Variants in CFI observed in about 807,000 individuals in gnomAD.
CFI encodes C3B/C4B inactivator.
A neutral mutation model predicts 78.8 loss-of-function variants in CFI; 66 were observed. The observed-to-expected ratio is 0.84, with a 90% CI of 0.69 to 1.03. CFI has a LOEUF of 1.03. CFI is among the 50% of genes least tolerant of loss of function. CFI has a pLI of 0.00. For synonymous variants in CFI, 250 were observed against 232.6 expected (o/e 1.07, Z -0.68); for missense variants, 706 against 704.5 (o/e 1.00, Z -0.02).
chr4:109,777,465 C>A (rs1161947230), intron 1 of CFI, among the ~76,000 whole-genome samples: 1 of 152,100 alleles, frequency 6.6e-6, no homozygotes, highest in African/African-American at 2.4e-5. Flanking sequence ...AATACAGGAA[C>A]ACCCAGATTC....
At chr4:109,784,821 C>T (rs1016663508) in intron 1 of CFI, among the ~76,000 whole-genome samples, 5 of 152,012 alleles carry the variant, frequency 3.3e-5, no homozygotes, top group African/African-American at 1.2e-4. Flanking sequence ...TTTTGTCAGG[C>T]CTCTGAGCCC....
chr4:109,770,553 C>A (rs1728442723), intron 1 of CFI, among the ~76,000 whole-genome samples: 1 of 44,004 alleles, frequency 2.3e-5, no homozygotes. Context: ...GAGACTCCAT[C>A]TCTAAAAAAA....
chr4:109,796,144 A>G (rs1288143608), intron 1 of CFI, among the ~76,000 whole-genome samples: 1 of 152,208 alleles, frequency 6.6e-6, no homozygotes, highest in African/African-American at 2.4e-5. Context: ...ACCCTATAAA[A>G]CTATCAGTGG....
chr4:109,760,278 C>T lies in CFI; in HGVS notation c.875G>A (p.Gly292Asp). ...VDCITGEDEV[G>D]CAGFASVTQE... ...CCAAGTCTTTCAATTACCTGCACAGCCAACTTCATCTTCCCCTGTAATGCA... is the reference window on the plus strand; with the variant it reads ...CCAAGTCTTTCAATTACCTGCACAGTCAACTTCATCTTCCCCTGTAATGCA... The change falls in exon 6 of 13, where the codon GGC becomes GAC. Residue 292 changes from glycine (G) to aspartate (D), a missense_variant. Physicochemically the swap from Gly to Asp is moderately conservative, Grantham distance 94. Transcript: ENST00000394634. 1 of 1,612,790 alleles carries T rather than the reference C, an allele frequency of 6.2e-7. No individual in the cohort carries two copies. The highest frequency in any genetic ancestry group is 8.5e-7 in the Non-Finnish European group (1 of 1,178,750).
Position 109,752,486 on chromosome 4 carries a change from T to C in CFI, c.922A>G (p.Thr308Ala). 3 of 1,613,392 alleles carry C rather than the reference T, an allele frequency of 1.9e-6. No individual in the cohort carries two copies. The highest frequency in any genetic ancestry group is 2.5e-6 in the Non-Finnish European group (3 of 1,179,584). ...SVTQEETEIL[T>A]ADMDAERRRI... is the part of the protein sequence containing the mutation. ...AGCTTACCTGCATCCATGTCAGCAG[T>C]CAAAATTTCTGTTTCTTCTATGATA... Residue 308 changes from threonine to alanine, a missense_variant, in exon 8 of 13, where the codon ACT (threonine) becomes GCT (alanine). Thr to Ala is a moderately conservative substitution (Grantham distance 58). Coordinates refer to ENST00000394634, the MANE Select transcript of CFI (RefSeq NM_000204.5).
chr4:109,785,685 A>G (rs1271853029), intron 1 of CFI, among the ~76,000 whole-genome samples: 1 of 152,040 alleles, frequency 6.6e-6, no homozygotes, highest in African/African-American at 2.4e-5. Context: ...ATCTTGAATT[A>G]TAATCCCCAT....
chr4:109,764,286 ACT>A lies in CFI; in HGVS notation c.482+249_482+250del, dbSNP rs373467038. 28 of 538,346 alleles carry A rather than the reference ACT, an allele frequency of 5.2e-5. No individual in the cohort carries two copies. The African/African-American group carries it at 5.3e-4, about 10-fold the overall frequency. The allele number at this position is 538,346 out of a possible 1,614,324, so 33.3% of individuals were successfully genotyped here. A position where few individuals can be genotyped will look rare whatever the true frequency, so the allele number is the denominator to read the frequency against. ...ACAGACAGAAATGAATGTGTTTGTG[ACT>A]CTCAGAATCACTAAAGGATTCACAT... On this transcript the variant is annotated intron_variant, in intron 3 of 12. Coordinates refer to ENST00000394634, the MANE Select transcript of CFI (RefSeq NM_000204.5).
chr4:109,790,148 T>C (rs1413372976), intron 1 of CFI, among the ~76,000 whole-genome samples: 1 of 152,078 alleles, frequency 6.6e-6, no homozygotes, highest in Admixed American at 6.6e-5. Context: ...GTAAGATCAG[T>C]AGTAATACCT....
intron 10 of CFI, among the ~76,000 whole-genome samples, chr4:109,748,255 T>C (rs1231002602): frequency 6.6e-6 from 1 of 152,204 alleles, no homozygotes; most frequent in Non-Finnish European, 1.5e-5. Flanking sequence ...ATATTATTTA[T>C]TTAGTCAATT....
intron 1 of CFI, 127 bp from the exon 2 acceptor site, chr4:109,766,951 G>A (rs1727843832): frequency 1.1e-6 from 1 of 901,796 alleles, no homozygotes; most frequent in Non-Finnish European, 1.7e-6. Context: ...GTTGTCTGGT[G>A]GCTTCAAGAA....
Position 109,766,663 on chromosome 4 carries a change from T to G in CFI, c.219A>C (p.Ala73=), listed in dbSNP as rs146261138. The change falls in exon 2 of 13, where the codon GCA becomes GCC. Residue 73 remains alanine (A), a synonymous_variant. Coordinates refer to ENST00000394634, the MANE Select transcript of CFI (RefSeq NM_000204.5). ...AGCTTCTCCTGTTAGTTGCACACAC[T>G]GCAGTGCCATTCTTTGGGCACTGAT... ...LPYQCPKNGT[A]VCATNRRSFP... The G allele has an allele frequency of 1.6e-5, 26 of 1,614,094 alleles. No individual in the cohort carries two copies. Among genetic ancestry groups the G allele is most frequent in the East Asian group, 1.6e-4 (7 of 44,896 alleles).
chr4:109,771,477 G>A (rs1242535414), intron 1 of CFI, among the ~76,000 whole-genome samples: 2 of 151,354 alleles, frequency 1.3e-5, no homozygotes, highest in Non-Finnish European at 2.9e-5. Flanking sequence ...TGCTGAGGCA[G>A]GCAGATTGCC....
intron 1 of CFI, among the ~76,000 whole-genome samples, chr4:109,785,349 T>C (rs996875274): frequency 1.3e-5 from 2 of 151,788 alleles, no homozygotes; most frequent in East Asian, 1.9e-4. Flanking sequence ...CATGAAAGAG[T>C]AGTAGTCAAA....
chr4:109,779,190 A>C (rs1729669349), intron 1 of CFI, among the ~76,000 whole-genome samples: 1 of 152,258 alleles, frequency 6.6e-6, no homozygotes, highest in South Asian at 2.1e-4. Context: ...AGTAAGTCAA[A>C]TTGTCCCTGT....
At chr4:109,777,769 T>C (rs1209228660) in intron 1 of CFI, among the ~76,000 whole-genome samples, 3 of 149,674 alleles carry the variant, frequency 2.0e-5, no homozygotes, top group African/African-American at 7.4e-5. Context: ...GAACAGAAAT[T>C]ATAACAAACT....
chr4:109,792,030 A>G (rs1731446319), intron 1 of CFI, among the ~76,000 whole-genome samples: 1 of 152,046 alleles, frequency 6.6e-6, no homozygotes, highest in Admixed American at 6.6e-5. Flanking sequence ...TAGAGAAGCT[A>G]CTCTGTATAA....
Position 109,801,836 on chromosome 4 carries a change from T to C in CFI, c.57+79A>G, listed in dbSNP as rs1732799784. ...ATGTAATATTTAAATCAAAATTATA[T>C]ATTTAAGATTATTTTCTATGTTTTT... On this transcript the variant is annotated intron_variant, in intron 1 of 12. Transcript: ENST00000394634. 1.6e-5 allele frequency: 15 copies of C among 921,740 alleles called. 1 individual carries two copies. The highest frequency in any genetic ancestry group is 8.0e-5 in the South Asian group (5 of 62,128). The allele number at this position is 921,740 out of a possible 1,614,324, so 57.1% of individuals were successfully genotyped here. A position where few individuals can be genotyped will look rare whatever the true frequency, so the allele number is the denominator to read the frequency against.
chr4:109,767,723 G>T (rs1313700813), intron 1 of CFI, among the ~76,000 whole-genome samples: 1 of 151,252 alleles, frequency 6.6e-6, no homozygotes, highest in Non-Finnish European at 1.5e-5. Flanking sequence ...AGTCAGTGTG[G>T]CGATTCCTCA....
the CFI span, among the ~76,000 whole-genome samples, chr4:109,735,151 C>T: frequency 1.3e-5 from 2 of 152,138 alleles, no homozygotes; most frequent in Non-Finnish European, 2.9e-5. Context: ...GATGGGGTCT[C>T]CCTGTGTTGC....
Sources: gnomAD v4.1 joint callset for allele counts (sites outside exome capture counted in the v4.1 genomes callset) on GRCh38, gnomAD v4.1.1 for gene constraint, MANE v1.5 for transcripts, NCBI Gene and HGNC (gene_info 2026-07-23, HGNC 2026-07-21) for gene names.